The following LINGO2 variants were observed in gnomAD, a reference collection of about 807,000 sequenced individuals.
The protein encoded by LINGO2 is leucine-rich repeat and immunoglobulin-like domain-containing nogo receptor-interacting protein 2.
A neutral mutation model predicts 30.6 loss-of-function variants in LINGO2; 14 were observed. That is an observed-to-expected ratio of 0.46 (90% confidence interval 0.30 to 0.72). LINGO2 has a LOEUF of 0.72. Ranked by LOEUF, LINGO2 falls within the 30% of genes least tolerant of loss-of-function variation. The pLI is 0.07. For synonymous variants in LINGO2, 317 were observed against 288.5 expected (o/e 1.10, Z -1.00); for missense variants, 729 against 751.7 (o/e 0.97, Z 0.35).
At chr9:28,094,963 T>C (rs1424889211) in intron 4 of LINGO2, among the ~76,000 whole-genome samples, 43 of 152,136 alleles carry the variant, frequency 2.8e-4, no homozygotes, top group Admixed American at 2.8e-3. Flanking sequence ...TAAAATCCAC[T>C]TCAGAAGTAA....
chr9:28,187,131 A>G (rs1170700306), intron 4 of LINGO2, among the ~76,000 whole-genome samples: 1 of 152,122 alleles, frequency 6.6e-6, no homozygotes, highest in African/African-American at 2.4e-5. Context: ...ATACTAAAGG[A>G]AGTAAGAAAA....
chr9:28,035,757 ATATGT>A (rs1823900904), intron 4 of LINGO2, among the ~76,000 whole-genome samples: 3 of 152,200 alleles, frequency 2.0e-5, no homozygotes, highest in Admixed American at 6.5e-5. Context: ...TATGTTGAAT[ATATGT>A]TATGTATTTT....
At chr9:28,049,656 T>G (rs895577651) in intron 4 of LINGO2, among the ~76,000 whole-genome samples, 5 of 150,670 alleles carry the variant, frequency 3.3e-5, no homozygotes, top group Admixed American at 6.7e-5. Context: ...TGTCACAAAT[T>G]GATATAAGGA....
the LINGO2 span, among the ~76,000 whole-genome samples, chr9:29,030,683 A>T: frequency 6.6e-6 from 1 of 152,136 alleles, no homozygotes. Context: ...ACCAATGGTA[A>T]TATTGACAGT....
At chr9:28,093,024 G>A (rs569934917) in intron 4 of LINGO2, among the ~76,000 whole-genome samples, 6 of 152,032 alleles carry the variant, frequency 3.9e-5, no homozygotes, top group Non-Finnish European at 8.8e-5. Context: ...ACTTGTATAG[G>A]GTCACACAGA....
At chr9:28,454,412 C>T (rs1824763455) in intron 2 of LINGO2, among the ~76,000 whole-genome samples, 1 of 151,756 alleles carries the variant, frequency 6.6e-6, no homozygotes, top group Non-Finnish European at 1.5e-5. Context: ...AACAAAATTT[C>T]CAAAAGGGTT....
the LINGO2 span, among the ~76,000 whole-genome samples, chr9:28,837,799 G>A: frequency 4.0e-5 from 6 of 149,812 alleles, no homozygotes; most frequent in Non-Finnish European, 7.4e-5. Context: ...TTTCCCATCA[G>A]TCACAAAATG....
At chr9:28,330,295 C>T (rs957626651) in intron 3 of LINGO2, among the ~76,000 whole-genome samples, 1 of 152,102 alleles carries the variant, frequency 6.6e-6, no homozygotes, top group Admixed American at 6.5e-5. Context: ...GTTGTTTAAG[C>T]CACTCAGTCT....
chr9:28,465,927 T>C (rs1171557148), intron 2 of LINGO2, among the ~76,000 whole-genome samples: 1 of 152,032 alleles, frequency 6.6e-6, no homozygotes, highest in Non-Finnish European at 1.5e-5. Flanking sequence ...GTCACCCCAG[T>C]TAAAATGGTT....
In LINGO2 at chr9:28,082,882, C is replaced by G. The variant is rs144593031; in HGVS notation, c.-86-70477G>C. 1.5e-4 allele frequency among the ~76,000 whole-genome samples: 23 copies of G among 152,140 alleles called. 1 individual carries two copies. In the East Asian group the frequency reaches 4.5e-3, roughly 30 times the overall value. Reference sequence around the variant, plus strand: ...AAAACACTAAATGTAATTGTGCAACCTTTAAGGCTTGTGTTTCTGGTTTCA... The same window carrying G: ...AAAACACTAAATGTAATTGTGCAACGTTTAAGGCTTGTGTTTCTGGTTTCA... On this transcript the variant is annotated intron_variant, in intron 4 of 5. Transcript: ENST00000379992.
At chr9:27,942,819 A>G in the LINGO2 span, 1 of 152,194 alleles carries the variant, frequency 6.6e-6, no homozygotes. Flanking sequence ...ATATATGTAT[A>G]TATAAACAAT....
At chr9:28,598,567 G>A (rs1398454132) in intron 1 of LINGO2, 2 of 152,348 alleles carry the variant, frequency 1.3e-5, no homozygotes, top group South Asian at 2.1e-4. Context: ...ACAGCAGGGA[G>A]GTTGGGTGGG....
At chr9:28,749,283 G>C in the LINGO2 span, among the ~76,000 whole-genome samples, 1 of 151,918 alleles carries the variant, frequency 6.6e-6, no homozygotes, top group Non-Finnish European at 1.5e-5. Flanking sequence ...TTTACATTGA[G>C]AGCCTTTTAC....
chr9:28,461,019 A>G (rs1268861538), intron 2 of LINGO2, among the ~76,000 whole-genome samples: 1 of 152,080 alleles, frequency 6.6e-6, no homozygotes, highest in African/African-American at 2.4e-5. Context: ...ATAACCCTAA[A>G]CACTTGGGCA....
chr9:28,872,733 T>G, the LINGO2 span, among the ~76,000 whole-genome samples: 1 of 152,270 alleles, frequency 6.6e-6, no homozygotes, highest in Admixed American at 6.5e-5. Flanking sequence ...GAGTATTTCA[T>G]AGCTAACACT....
chr9:29,009,422 C>T, the LINGO2 span, among the ~76,000 whole-genome samples: 2 of 152,080 alleles, frequency 1.3e-5, no homozygotes. Context: ...AGTGAACTCC[C>T]ATTCACAATT....
chr9:28,612,604 T>C, intron 1 of LINGO2, among the ~76,000 whole-genome samples: 1 of 152,174 alleles, frequency 6.6e-6, no homozygotes, highest in Admixed American at 6.6e-5. Context: ...TTTAGCCAGC[T>C]TCTACCATTT....
At chr9:28,389,899 A>C (rs1361922562) in intron 2 of LINGO2, among the ~76,000 whole-genome samples, 1 of 152,190 alleles carries the variant, frequency 6.6e-6, no homozygotes, top group Non-Finnish European at 1.5e-5. Context: ...TATGTTTCTA[A>C]TATGAGGAGA....
the LINGO2 span, among the ~76,000 whole-genome samples, chr9:29,037,812 C>G: frequency 3.3e-3 from 502 of 151,966 alleles, 5 homozygotes; most frequent in South Asian, 0.017. Flanking sequence ...TTTAAAACCA[C>G]ATACTTGATA....
Sources: allele counts gnomAD v4.1 joint callset (sites outside exome capture counted in the v4.1 genomes callset), GRCh38; gene constraint gnomAD v4.1.1; transcripts MANE v1.5; gene names NCBI Gene and HGNC (gene_info 2026-07-23, HGNC 2026-07-21).